SYNE1: variants seen among roughly 807,000 people sequenced by gnomAD.
SYNE1 encodes the protein spectrin repeat containing nuclear envelope protein 1, also known as nesprin-1.
A neutral mutation model predicts 1,111.0 loss-of-function variants in SYNE1; 616 were observed. The ratio of observed to expected loss-of-function variants is 0.55; its 90% CI spans 0.52 to 0.59. The LOEUF (loss-of-function observed/expected upper bound fraction) is 0.59, where lower values mean the gene tolerates loss of function less well. Among genes scored for constraint, SYNE1 ranks in the 20% least tolerant of loss-of-function variants. The probability of loss-of-function intolerance (pLI) is 0.00; values close to 1 mark genes in which losing one functional copy is unlikely to be tolerated. For missense variants in SYNE1, 10,006 were observed against 10,417.0 expected (o/e 0.96, Z 1.72); for synonymous variants, 3,855 against 3,825.8 (o/e 1.01, Z -0.28).
chr6:152,223,981 C>A (rs920311854), intron 117 of SYNE1, among the ~76,000 whole-genome samples: 5 of 152,130 alleles, frequency 3.3e-5, no homozygotes, highest in Admixed American at 2.6e-4. Flanking sequence ...GACACAATGA[C>A]AAAGGACCCA....
intron 134 of SYNE1, 71 bp downstream of exon 134, chr6:152,151,888 C>T (rs1490427248): frequency 1.9e-6 from 3 of 1,572,472 alleles, no homozygotes; most frequent in Non-Finnish European, 2.6e-6. Context: ...GAGACTGTGT[C>T]TCAAGACTGC....
chr6:152,239,465 C>A, intron 108 of SYNE1, 68 bp downstream of exon 108: 1 of 1,590,724 alleles, frequency 6.3e-7, no homozygotes, highest in Non-Finnish European at 8.6e-7. Flanking sequence ...ATAGATACAT[C>A]TTGCATTAAA....
chr6:152,151,348 C>G lies in SYNE1; in HGVS notation c.24450+205G>C, dbSNP rs546532568. 2.0e-5 allele frequency among the ~76,000 whole-genome samples: 3 copies of G among 152,152 alleles called. No homozygotes were observed. In the South Asian group the frequency reaches 6.2e-4, roughly 32 times the overall value. ...ATCGATATCAAATAAGATAAGAGCA[C>G]TACCCAGATATAAGCAATAGTGGTT... On this transcript the variant is annotated intron_variant, in intron 135 of 145. Coordinates refer to ENST00000367255, the MANE Select transcript of SYNE1 (RefSeq NM_182961.4).
intron 14 of SYNE1, among the ~76,000 whole-genome samples, chr6:152,475,859 G>A (rs2098831671): frequency 6.6e-6 from 1 of 152,258 alleles, no homozygotes; most frequent in African/African-American, 2.4e-5. Flanking sequence ...TGAGCAGATT[G>A]GTGAAATTAT....
chr6:152,274,728 C>T (rs1261713849), intron 98 of SYNE1, among the ~76,000 whole-genome samples: 3 of 152,122 alleles, frequency 2.0e-5, no homozygotes. Context: ...TCCTGAGTAG[C>T]TGGGATTACA....
At position 152,247,748 on chromosome 6, in the gene SYNE1, T is replaced by TACAC. The variant is rs1419093301; in HGVS notation, c.19572+1412_19572+1413insGTGT. 3.3e-3 allele frequency among the ~76,000 whole-genome samples: 304 copies of TACAC among 90,874 alleles called. 1 individual carries two copies. The highest frequency in any genetic ancestry group is 0.031 in the East Asian group (94 of 3,010). 59.6% of individuals were successfully genotyped at this position (90,874 alleles called of 152,430 possible). On this transcript the variant is annotated intron_variant, in intron 105 of 145. Coordinates refer to ENST00000367255, the MANE Select transcript of SYNE1 (RefSeq NM_182961.4). ...TTTATTATATATATATATATATATATATACACACACACACACACACACACA... is the reference window on the plus strand; with the variant it reads ...TTTATTATATATATATATATATATATACACATACACACACACACACACACACACA...
intron 51 of SYNE1, among the ~76,000 whole-genome samples, chr6:152,391,904 C>A (rs2097648083): frequency 6.6e-6 from 1 of 152,214 alleles, no homozygotes; most frequent in African/African-American, 2.4e-5. Flanking sequence ...TCCGTAGCAT[C>A]TCTGCATTCC....
chr6:152,275,880 C>CAAA (rs756837860), intron 98 of SYNE1, among the ~76,000 whole-genome samples: 1 of 86,958 alleles, frequency 1.1e-5, no homozygotes, highest in Admixed American at 1.2e-4. Flanking sequence ...GACCCTGTCT[C>CAAA]AAAAAAAAAA....
At chr6:152,380,554 C>T (rs948998653) in intron 56 of SYNE1, 2 of 189,376 alleles carry the variant, frequency 1.1e-5, no homozygotes, top group African/African-American at 4.8e-5. Flanking sequence ...GAGAGCTAAT[C>T]GGGGAGATAA....
chr6:152,335,106 G>T (rs2096353452), intron 76 of SYNE1, among the ~76,000 whole-genome samples: 1 of 152,152 alleles, frequency 6.6e-6, no homozygotes, highest in Non-Finnish European at 1.5e-5. Flanking sequence ...CATTTCTTTG[G>T]ATAGTGTTTC....
At chr6:152,417,518 AAAC>A (rs1246238724) in intron 40 of SYNE1, among the ~76,000 whole-genome samples, 35 of 150,644 alleles carry the variant, frequency 2.3e-4, no homozygotes, top group African/African-American at 8.1e-4. Context: ...ACAAACAAAC[AAAC>A]AAACACAACT....
Position 152,428,403 on chromosome 6 carries a change from T to C in SYNE1, c.4789-11A>G, listed in dbSNP as rs12665783. 8.7e-6 allele frequency: 14 copies of C among 1,612,942 alleles called. No individual in the cohort carries two copies. The East Asian group carries it at 2.9e-4, about 33-fold the overall frequency. On this transcript the variant is annotated splice_polypyrimidine_tract_variant and intron_variant, in intron 36 of 145. Transcript: ENST00000367255. The stretch of plus-strand genomic sequence containing the variant: ...GGCCTGGCAGAGATCCTAAGAAGAG[T>C]GCGAGAAGAATGCAGTGAAAGCACA...
intron 128 of SYNE1, among the ~76,000 whole-genome samples, chr6:152,188,055 C>T (rs1392984138): frequency 6.6e-6 from 1 of 152,070 alleles, no homozygotes; most frequent in Non-Finnish European, 1.5e-5. Context: ...ATTGTTTTTA[C>T]CTGTTTATGC....
chr6:152,290,602 G>T (rs186958898), intron 95 of SYNE1, among the ~76,000 whole-genome samples: 168 of 152,008 alleles, frequency 1.1e-3, no homozygotes, highest in African/African-American at 3.6e-3. Context: ...AACCAGAAAG[G>T]CACAGCATTC....
intron 133 of SYNE1, 97 bp from the exon 134 acceptor site, chr6:152,152,238 A>G (rs978466705): frequency 8.4e-6 from 9 of 1,070,738 alleles, no homozygotes; most frequent in Non-Finnish European, 1.3e-5. Flanking sequence ...GAGAATGGGA[A>G]GTTACACTAT....
intron 3 of SYNE1, among the ~76,000 whole-genome samples, chr6:152,597,942 G>A (rs2099586438): frequency 6.6e-6 from 1 of 151,972 alleles, no homozygotes; most frequent in African/African-American, 2.4e-5. Flanking sequence ...ATTGATCCAC[G>A]AGCTCCATCT....
In SYNE1 at chr6:152,157,394, G is replaced by A. The variant is rs1446119357; in HGVS notation, c.23791-1297C>T. Among the ~76,000 whole-genome samples the A allele has an allele frequency of 2.0e-5, 3 of 152,224 alleles. No homozygotes were observed. The East Asian group carries it at 5.8e-4, about 29-fold the overall frequency. On this transcript the variant is annotated intron_variant, in intron 131 of 145. Coordinates refer to ENST00000367255, the MANE Select transcript of SYNE1 (RefSeq NM_182961.4). ...AAAAAGTTGATCTCATGGAGGTAGA[G>A]AGTAGAACGCCAGATAGCAGAGGCT...
chr6:152,311,001 C>A (rs889105397), intron 87 of SYNE1, 128 bp from the exon 88 acceptor site: 2 of 915,678 alleles, frequency 2.2e-6, no homozygotes, highest in African/African-American at 3.3e-5. Context: ...CCTTCACCCC[C>A]CATGACCACT....
chr6:152,145,378 C>G (rs1230495294), intron 137 of SYNE1: 1 of 1,056,788 alleles, frequency 9.5e-7, no homozygotes, highest in South Asian at 1.3e-5. Flanking sequence ...AAGGCTGTGC[C>G]TTAACATGCT....
Sources: gnomAD v4.1 joint callset for allele counts (sites outside exome capture counted in the v4.1 genomes callset) on GRCh38, gnomAD v4.1.1 for gene constraint, MANE v1.5 for transcripts, NCBI Gene and HGNC (gene_info 2026-07-23, HGNC 2026-07-21) for gene names.